Variants in CASZ1 observed in about 807,000 individuals in gnomAD.
CASZ1 encodes castor zinc finger 1.
CASZ1 carries 28 observed loss-of-function variants against 135.2 expected under a neutral mutation model. That is an observed-to-expected ratio of 0.21 (90% CI 0.15 to 0.28). The LOEUF (loss-of-function observed/expected upper bound fraction) is 0.28. Ranked by LOEUF, CASZ1 falls within the 10% of genes least tolerant of loss-of-function variation. The probability of loss-of-function intolerance (pLI) is 1.00; values close to 1 mark genes in which losing one functional copy is unlikely to be tolerated. For synonymous variants in CASZ1, 1,068 were observed against 1,073.4 expected (o/e 0.99, Z 0.10); for missense variants, 2,161 against 2,453.3 (o/e 0.88, Z 2.52).
Position 10,647,896 on chromosome 1 carries a change from C to G in CASZ1, c.3402G>C (p.Ala1134=), listed in dbSNP as rs772812465. 1.2e-6 allele frequency: 2 copies of G among 1,613,662 alleles called. No individual in the cohort carries two copies. The highest frequency in any genetic ancestry group is 1.3e-5 in the African/African-American group (1 of 74,902). Residue 1134 remains alanine, a synonymous_variant, in exon 16 of 21, where the codon GCG becomes GCC. Transcript: ENST00000377022. This position sits in a 1 kb window ranked among gnomAD's most constrained non-coding sequence, Gnocchi z 4.9. ...STIPQMPQIP[A]SVPHLPASPL... is the part of the protein sequence containing the mutation. The stretch of plus-strand genomic sequence containing the variant: ...GCGAGGCGGGCAGGTGAGGCACTGA[C>G]GCTGGGATCTGAGGCATCTGGGGTA...
intron 5 of CASZ1, among the ~76,000 whole-genome samples, chr1:10,662,330 A>T (rs1643069464): frequency 6.9e-6 from 1 of 144,596 alleles, no homozygotes; most frequent in Non-Finnish European, 1.5e-5. Context: ...CCCCACACAC[A>T]GTCACATGCT....
intron 6 of CASZ1, 62 bp downstream of exon 6, chr1:10,659,640 A>G: frequency 7.4e-7 from 1 of 1,342,716 alleles, no homozygotes; most frequent in East Asian, 2.3e-5. Context: ...CTGGTGAGGA[A>G]GGAGGCCTCC....
rs1301101073 is a variant in CASZ1 at position 10,639,325 on chromosome 1, G to T, written c.4897C>A (p.Gln1633Lys). ...GAEPGSLLFL[Q>K]SAAAGLGLAL... ...AGGCCCAGGCCGGCGGCCGCCGACTGCAGGAAGAGCAGCGAGCCCGGCTCG... is the reference window on the plus strand; with the variant it reads ...AGGCCCAGGCCGGCGGCCGCCGACTTCAGGAAGAGCAGCGAGCCCGGCTCG... The change falls in exon 21 of 21, where the codon CAG becomes AAG. Residue 1633 changes from glutamine (Q) to lysine (K), a missense_variant. This residue lies in a region of CASZ1 where 240 missense variants were observed against 321.4 expected (regional missense o/e 0.75). Coordinates refer to ENST00000377022, the MANE Select transcript of CASZ1 (RefSeq NM_001079843.3). This position sits in a 1 kb window ranked among gnomAD's most constrained non-coding sequence, Gnocchi z 4.0. 6.8e-7 allele frequency: 1 copy of T among 1,474,336 alleles called. No homozygotes were observed. The highest frequency in any genetic ancestry group is 2.5e-5 in the Admixed American group (1 of 40,594). 91.3% of individuals were successfully genotyped at this position (1,474,336 alleles called of 1,614,324 possible).
Position 10,647,109 on chromosome 1 carries a change from G to T in CASZ1, c.3497+692C>A. ...GCTACTCTGGGGAGGAGGAGGGGGAGGGGAGGCTGGTGGGGGGGACGGAGA... is the reference window on the plus strand; with the variant it reads ...GCTACTCTGGGGAGGAGGAGGGGGATGGGAGGCTGGTGGGGGGGACGGAGA... On this transcript the variant is annotated intron_variant, in intron 16 of 20. Transcript: ENST00000377022. The surrounding 1 kb of genome is among the most constrained non-coding windows in gnomAD (Gnocchi z 4.9). The T allele has an allele frequency of 2.5e-6, 1 of 396,822 alleles. No homozygotes were observed. Among genetic ancestry groups the T allele is most frequent in the Non-Finnish European group, 3.4e-6 (1 of 291,584 alleles). The allele number at this position is 396,822 out of a possible 1,614,324, so 24.6% of individuals were successfully genotyped here.
At chr1:10,778,550 G>A (rs568783093) in intron 1 of CASZ1, among the ~76,000 whole-genome samples, 16 of 151,742 alleles carry the variant, frequency 1.1e-4, no homozygotes, top group Non-Finnish European at 1.9e-4. Flanking sequence ...ATTTACACAC[G>A]AACACAATCT....
At chr1:10,753,114 A>G (rs781305189) in intron 2 of CASZ1, among the ~76,000 whole-genome samples, 22 of 152,274 alleles carry the variant, frequency 1.4e-4, no homozygotes. Flanking sequence ...TGCATGGAAT[A>G]TACTTATACT....
intron 2 of CASZ1, among the ~76,000 whole-genome samples, chr1:10,749,604 T>C (rs113388774): frequency 0.048 from 7,370 of 152,092 alleles, 543 homozygotes; most frequent in African/African-American, 0.16. Context: ...TTCAGCCAGG[T>C]GTGGCCCAGA....
Position 10,638,871 on chromosome 1 carries a change from C to T in CASZ1, c.*71G>A, listed in dbSNP as rs552869019. On this transcript the variant is annotated 3_prime_UTR_variant, in exon 21 of 21. Transcript: ENST00000377022. The surrounding 1 kb of genome is among the most constrained non-coding windows in gnomAD (Gnocchi z 5.9). ...GGGGCGCGGGGCTCTGCCCAGGGGC[C>T]GCTTCGCGCGGGGCGGCGCCGCTCC... 1.9e-3 allele frequency: 1,905 copies of T among 981,202 alleles called. 31 individuals carry two copies. In the African/African-American group the frequency reaches 0.03, roughly 16 times the overall value. 60.8% of individuals were successfully genotyped at this position (981,202 alleles called of 1,614,324 possible). A position where few individuals can be genotyped will look rare whatever the true frequency, so the allele number is the denominator to read the frequency against.
chr1:10,778,704 G>A (rs539915188), intron 1 of CASZ1, among the ~76,000 whole-genome samples: 2 of 152,272 alleles, frequency 1.3e-5, no homozygotes, highest in South Asian at 2.1e-4. Flanking sequence ...CCAGGCAAAC[G>A]TGTCCTTGCT....
At chr1:10,648,960 A>C in intron 15 of CASZ1, 110 bp downstream of exon 15, 1 of 1,431,042 alleles carries the variant, frequency 7.0e-7, no homozygotes, top group Non-Finnish European at 9.5e-7. Context: ...AAGCCGGCTC[A>C]GCTTCTGTGG....
rs902019068 is a variant in CASZ1, at chr1:10,774,704, C to A, written c.-233-13847G>T. On this transcript the variant is annotated intron_variant, in intron 1 of 20. Coordinates refer to ENST00000377022, the MANE Select transcript of CASZ1 (RefSeq NM_001079843.3). This position sits in a 1 kb window ranked among gnomAD's most constrained non-coding sequence, Gnocchi z 4.4. Reference sequence around the variant, plus strand: ...CACCTGAGTCAACGCGGACCCCTCTCTTCCCCAAGTGTGACCCTGTAGGCC... The same window carrying A: ...CACCTGAGTCAACGCGGACCCCTCTATTCCCCAAGTGTGACCCTGTAGGCC... 6.6e-6 allele frequency among the ~76,000 whole-genome samples: 1 copy of A among 152,172 alleles called. No homozygotes were observed. The highest frequency in any genetic ancestry group is 1.5e-5 in the Non-Finnish European group (1 of 68,036).
Position 10,697,249 on chromosome 1 carries a change from CT to C in CASZ1, c.-23-3338del, listed in dbSNP as rs1051680437. 1.4e-3 allele frequency among the ~76,000 whole-genome samples: 207 copies of C among 152,136 alleles called. 3 individuals are homozygous for C. Among genetic ancestry groups the C allele is most frequent in the African/African-American group, 4.6e-3 (191 of 41,482 alleles). ...GGGCCCCCAGATTATGCGCCCCCCC[CT>C]TCTCTCTCTTTCTCTCTGAGTGTAT... On this transcript the variant is annotated intron_variant, in intron 3 of 20. Coordinates refer to ENST00000377022, the MANE Select transcript of CASZ1 (RefSeq NM_001079843.3). This position sits in a 1 kb window ranked among gnomAD's most constrained non-coding sequence, Gnocchi z 4.7.
At chr1:10,733,726 C>T (rs1459690732) in intron 2 of CASZ1, among the ~76,000 whole-genome samples, 4 of 152,146 alleles carry the variant, frequency 2.6e-5, no homozygotes, top group Non-Finnish European at 5.9e-5. Flanking sequence ...CTCAGAGGAA[C>T]CAGTACAGTG....
Position 10,646,080 on chromosome 1 carries a change from C to G in CASZ1, c.3696+48G>C. 1 of 1,586,376 alleles carries G rather than the reference C, an allele frequency of 6.3e-7. No individual in the cohort carries two copies. The highest frequency in any genetic ancestry group is 8.6e-7 in the Non-Finnish European group (1 of 1,156,946). On this transcript the variant is annotated intron_variant, in intron 17 of 20. Coordinates refer to ENST00000377022, the MANE Select transcript of CASZ1 (RefSeq NM_001079843.3). The surrounding 1 kb of genome is among the most constrained non-coding windows in gnomAD (Gnocchi z 6.4). The stretch of plus-strand genomic sequence containing the variant: ...TCCTGTGCCCTGAGCTAGCCCTGCA[C>G]CTCCCTGCCCCCTACTCTGCCCCTG...
chr1:10,771,286 C>T (rs1267385072), intron 1 of CASZ1, among the ~76,000 whole-genome samples: 2 of 148,612 alleles, frequency 1.3e-5, no homozygotes, highest in Admixed American at 6.7e-5. Flanking sequence ...GCGGGGGTGG[C>T]GGCAGGATAA....
rs761216432 is a variant in CASZ1 at position 10,659,952 on chromosome 1, C to T, written c.1090G>A (p.Ala364Thr). 10 of 1,612,628 alleles carry T rather than the reference C, an allele frequency of 6.2e-6. No homozygotes were observed. The highest frequency in any genetic ancestry group is 4.4e-5 in the South Asian group (4 of 91,092). ...EGSPDMGGAI[A>T]FKTGKVGRPS... ...CGCCCCACCTTGCCTGTCTTGAAGG[C>T]GATGGCCCCGCCCATGTCGGGGCTG... The change falls in exon 6 of 21, where the codon GCC becomes ACC. Residue 364 changes from alanine to threonine, a missense_variant. Physicochemically the swap from Ala to Thr is moderately conservative, Grantham distance 58. Transcript: ENST00000377022.
intron 1 of CASZ1, among the ~76,000 whole-genome samples, chr1:10,761,317 A>G (rs1425455891): frequency 1.3e-5 from 2 of 152,200 alleles, no homozygotes; most frequent in Non-Finnish European, 2.9e-5. Flanking sequence ...TCCCTGCGCC[A>G]GCTCCCAGCT....
At chr1:10,656,799 G>C in intron 7 of CASZ1, 63 bp from the exon 8 acceptor site, 1 of 1,091,322 alleles carries the variant, frequency 9.2e-7, no homozygotes, top group Non-Finnish European at 1.4e-6. Flanking sequence ...CCCAGCCCCA[G>C]CCCCAGCCCC....
chr1:10,768,320 T>C lies in CASZ1; in HGVS notation c.-233-7463A>G, dbSNP rs144386471. Among the ~76,000 whole-genome samples the C allele has an allele frequency of 1.5e-3, 221 of 152,282 alleles. 8 individuals carry two copies. In the East Asian group the frequency reaches 0.038, roughly 26 times the overall value. ...GCAGCCTCCGCCTGCTGGTTTCAAA[T>C]GATTCTCCTGCCTCAGCCTCCCAAG... On this transcript the variant is annotated intron_variant, in intron 1 of 20. Coordinates refer to ENST00000377022, the MANE Select transcript of CASZ1 (RefSeq NM_001079843.3).
Sources: allele counts gnomAD v4.1 joint callset (sites outside exome capture counted in the v4.1 genomes callset), GRCh38; gene constraint gnomAD v4.1.1; regional missense constraint gnomAD v4.1.1; non-coding constraint Gnocchi (gnomAD v3.1); transcripts MANE v1.5; gene names NCBI Gene and HGNC (gene_info 2026-07-23, HGNC 2026-07-21).